The following HSPG2 variants were observed in gnomAD, a reference collection of about 807,000 sequenced individuals.
HSPG2 encodes the protein heparan sulfate proteoglycan 2, also known as basement membrane-specific heparan sulfate proteoglycan core protein.
HSPG2 carries 278 observed loss-of-function variants against 526.6 expected under a neutral mutation model. That is an observed-to-expected ratio of 0.53 (90% confidence interval 0.48 to 0.58). The LOEUF is 0.58. HSPG2 is among the 20% of genes least tolerant of loss of function. HSPG2 has a pLI of 0.00. For missense variants in HSPG2, 5,354 were observed against 6,099.5 expected, an observed-to-expected ratio of 0.88 and a Z score of 4.07; for synonymous variants, 2,465 against 2,555.4, an observed-to-expected ratio of 0.96 and a Z score of 1.07.
intron 1 of HSPG2, 131 bp from the exon 2 acceptor site, chr1:21,896,441 T>G: frequency 8.9e-7 from 1 of 1,126,356 alleles, no homozygotes; most frequent in Non-Finnish European, 1.3e-6. Context: ...TGACTTAGTA[T>G]GGCTCAGTGA....
intron 1 of HSPG2, among the ~76,000 whole-genome samples, chr1:21,927,359 G>A (rs554969506): frequency 6.6e-6 from 1 of 152,252 alleles, no homozygotes; most frequent in South Asian, 2.1e-4. Flanking sequence ...TCTCTCTCCT[G>A]AGTCCTGCTG....
At chr1:21,878,293 G>A in intron 20 of HSPG2, 40 bp from the exon 21 acceptor site, 1 of 1,606,844 alleles carries the variant, frequency 6.2e-7, no homozygotes, top group Non-Finnish European at 8.5e-7. Flanking sequence ...AGGTGGGAAT[G>A]GGATATACGT....
In HSPG2 at chr1:21,836,903, C is replaced by A; in HGVS notation, c.10254G>T (p.Glu3418Asp). ...GGTCGCTGGGCACAGCACAGTGGAACTCAACGCTGGCCCCAATGCTCTTGG... is the reference window on the plus strand; with the variant it reads ...GGTCGCTGGGCACAGCACAGTGGAAATCAACGCTGGCCCCAATGCTCTTGG... ...LETKSIGASV[E>D]FHCAVPSDRG... The change falls in exon 75 of 97, where the codon GAG becomes GAT. Residue 3418 changes from glutamate (E) to aspartate (D), a missense_variant. By Grantham distance (45) the Glu-to-Asp change is conservative. Coordinates refer to ENST00000374695, the MANE Select transcript of HSPG2 (RefSeq NM_005529.7). The A allele has an allele frequency of 6.4e-7, 1 of 1,564,984 alleles. No individual in the cohort carries two copies. The highest frequency in any genetic ancestry group is 8.7e-7 in the Non-Finnish European group (1 of 1,154,500).
rs1247850789 is a variant in HSPG2, at chr1:21,828,675, A to T, written c.12237+160T>A. Reference sequence around the variant, plus strand: ...AAGTAGGTGTGATCATGCCCATTTTACAGAGGAGGAAACTGAGGCTCAGAG... The same window carrying T: ...AAGTAGGTGTGATCATGCCCATTTTTCAGAGGAGGAAACTGAGGCTCAGAG... On this transcript the variant is annotated intron_variant, in intron 88 of 96. Transcript: ENST00000374695. This position sits in a 1 kb window ranked among gnomAD's most constrained non-coding sequence, Gnocchi z 6.0. Among the ~76,000 whole-genome samples the T allele has an allele frequency of 3.9e-5, 6 of 152,212 alleles. No individual in the cohort carries two copies. The highest frequency in any genetic ancestry group is 2.6e-4 in the Admixed American group (4 of 15,296).
intron 1 of HSPG2, among the ~76,000 whole-genome samples, chr1:21,931,494 C>T (rs1644349436): frequency 6.6e-6 from 1 of 152,190 alleles, no homozygotes; most frequent in Non-Finnish European, 1.5e-5. Flanking sequence ...CCAGGGTAGG[C>T]CCTGGGACAG....
chr1:21,854,508 C>A (rs879824634), intron 49 of HSPG2, 103 bp downstream of exon 49: 161 of 1,455,246 alleles, frequency 1.1e-4, no homozygotes, highest in Non-Finnish European at 1.5e-4. Flanking sequence ...GCTGGTGGAA[C>A]GTGTGGGGCA....
intron 33 of HSPG2, chr1:21,868,987 T>G: frequency 1.7e-6 from 1 of 582,796 alleles, no homozygotes; most frequent in Non-Finnish European, 2.0e-6. Context: ...GAAGGGCAGG[T>G]GGTAAGAGCC....
intron 74 of HSPG2, among the ~76,000 whole-genome samples, chr1:21,837,612 A>T (rs1200799953): frequency 3.9e-5 from 6 of 152,062 alleles, no homozygotes; most frequent in African/African-American, 1.4e-4. Flanking sequence ...TTAAGGAAGG[A>T]CAGCAAAGCC....
chr1:21,855,120 G>A (rs973257902), intron 47 of HSPG2, 137 bp from the exon 48 acceptor site: 9 of 1,353,888 alleles, frequency 6.6e-6, no homozygotes, highest in African/African-American at 2.9e-5. Flanking sequence ...GAGGACAAAC[G>A]CCAGGCAGCC....
intron 1 of HSPG2, among the ~76,000 whole-genome samples, chr1:21,922,578 C>T (rs1301971932): frequency 1.3e-5 from 2 of 152,148 alleles, no homozygotes; most frequent in Non-Finnish European, 2.9e-5. Flanking sequence ...GTAAAGGTGG[C>T]CCCTGGGGCT....
intron 1 of HSPG2, among the ~76,000 whole-genome samples, chr1:21,910,466 G>T (rs1475364640): frequency 1.3e-5 from 2 of 152,174 alleles, no homozygotes; most frequent in East Asian, 3.9e-4. Flanking sequence ...CTCTGCCATC[G>T]ATCTTCTCTG....
rs559490699 is a variant in HSPG2 at position 21,898,035 on chromosome 1, C to T, written c.64-1725G>A. On this transcript the variant is annotated intron_variant, in intron 1 of 96. Coordinates refer to ENST00000374695, the MANE Select transcript of HSPG2 (RefSeq NM_005529.7). The surrounding 1 kb of genome is among the most constrained non-coding windows in gnomAD (Gnocchi z 4.0). ...AAGGGCTGTGATGAATTCATCTCCA[C>T]CTTTTCTGCACCCTGTGCTCAATAA... Among the ~76,000 whole-genome samples, 2 of 152,190 alleles carry T rather than the reference C, an allele frequency of 1.3e-5. No homozygotes were observed. Among genetic ancestry groups the T allele is most frequent in the Non-Finnish European group, 2.9e-5 (2 of 68,032 alleles).
At position 21,824,800 on chromosome 1, in the gene HSPG2, G is replaced by A; in HGVS notation, c.12590-21C>T. 6.2e-7 allele frequency: 1 copy of A among 1,601,256 alleles called. No homozygotes were observed. The highest frequency in any genetic ancestry group is 1.1e-5 in the South Asian group (1 of 89,626). On this transcript the variant is annotated intron_variant, in intron 91 of 96. Coordinates refer to ENST00000374695, the MANE Select transcript of HSPG2 (RefSeq NM_005529.7). The surrounding 1 kb of genome is among the most constrained non-coding windows in gnomAD (Gnocchi z 5.9). ...GGCATCTGTGGGAGAGAGGAGGGTG[G>A]TGCCATACCTGCTGCATCAGGCATC... is the stretch of plus-strand genomic sequence containing the variant.
At chr1:21,917,075 T>A (rs1643903245) in intron 1 of HSPG2, among the ~76,000 whole-genome samples, 1 of 152,264 alleles carries the variant, frequency 6.6e-6, no homozygotes, top group South Asian at 2.1e-4. Flanking sequence ...ACACCAGTTA[T>A]CACACGCTGA....
At chr1:21,841,787 G>A in intron 69 of HSPG2, 114 bp from the exon 70 acceptor site, 1 of 1,421,104 alleles carries the variant, frequency 7.0e-7, no homozygotes, top group Non-Finnish European at 9.8e-7. Context: ...GCCTGGGTGT[G>A]TCTAGCTCAT....
Position 21,852,959 on chromosome 1 carries a change from G to A in HSPG2, c.6551C>T (p.Thr2184Met), listed in dbSNP as rs190188026. Reference sequence around the variant, plus strand: ...GAGGCTGCCCCCACGCTTGTGCCACGTGACCTGGGCGTGGGCCTGCCCGGG... The same window carrying A: ...GAGGCTGCCCCCACGCTTGTGCCACATGACCTGGGCGTGGGCCTGCCCGGG... ...VVPGQAHAQVTWHKRGGSLPA... is the reference protein window; with the variant it reads ...VVPGQAHAQVMWHKRGGSLPA... The change falls in exon 51 of 97, where the codon ACG becomes ATG. Residue 2184 changes from threonine to methionine, a missense_variant. By Grantham distance (81) the Thr-to-Met change is moderately conservative. Coordinates refer to ENST00000374695, the MANE Select transcript of HSPG2 (RefSeq NM_005529.7). The A allele has an allele frequency of 1.1e-5, 18 of 1,613,510 alleles. No individual in the cohort carries two copies. The highest frequency in any genetic ancestry group is 4.5e-5 in the East Asian group (2 of 44,874).
At chr1:21,833,077 G>C (rs1335625538) in intron 80 of HSPG2, 191 bp downstream of exon 80, 1 of 655,708 alleles carries the variant, frequency 1.5e-6, no homozygotes, top group East Asian at 2.8e-5. Context: ...AGGCAGGGAT[G>C]GAGAAGCCGG....
intron 6 of HSPG2, 137 bp downstream of exon 6, chr1:21,889,844 G>A (rs754223000): frequency 1.7e-5 from 15 of 883,178 alleles, no homozygotes; most frequent in Admixed American, 9.1e-5. Context: ...TGTAAAGATC[G>A]ATGGGGCAGA....
In HSPG2 at chr1:21,881,397, C is replaced by T. The variant is rs745592532; in HGVS notation, c.1760G>A (p.Arg587His). 153 of 1,614,002 alleles carry T rather than the reference C, an allele frequency of 9.5e-5. No individual in the cohort carries two copies. Among genetic ancestry groups the T allele is most frequent in the South Asian group, 5.4e-4 (49 of 91,088 alleles). ...GAAGGAGTCGTGGACGAGGAAGCGGCGGGACAGGTCGACTAGCTGGAACTC... is the reference window on the plus strand; with the variant it reads ...GAAGGAGTCGTGGACGAGGAAGCGGTGGGACAGGTCGACTAGCTGGAACTC... ...LHEFQLVDLS[R>H]RFLVHDSFWA... The change falls in exon 14 of 97, where the codon CGC becomes CAC. Residue 587 changes from arginine to histidine, a missense_variant. By Grantham distance (29) the Arg-to-His change is conservative (BLOSUM62 0). Transcript: ENST00000374695.
Sources: gnomAD v4.1 joint callset for allele counts (sites outside exome capture counted in the v4.1 genomes callset) on GRCh38, gnomAD v4.1.1 for gene constraint, Gnocchi (gnomAD v3.1) non-coding constraint, MANE v1.5 for transcripts, NCBI Gene and HGNC (gene_info 2026-07-23, HGNC 2026-07-21) for gene names.